TMEM254: variants seen among roughly 807,000 people sequenced by gnomAD.
The protein encoded by TMEM254 is transmembrane protein 254.
In TMEM254, 16 loss-of-function variants were observed where a neutral mutation model predicts 13.9. That is an observed-to-expected ratio of 1.15 (90% confidence interval 0.78 to 1.75). The LOEUF (loss-of-function observed/expected upper bound fraction) is 1.75, where lower values mean the gene tolerates loss of function less well. Ranked by LOEUF, TMEM254 falls within the 40% of genes most tolerant of loss-of-function variation. The probability of loss-of-function intolerance (pLI) is 0.00; values close to 1 mark genes in which losing one functional copy is unlikely to be tolerated. For synonymous variants in TMEM254, 61 were observed against 56.4 expected (o/e 1.08, Z -0.36); for missense variants, 155 against 149.0 (o/e 1.04, Z -0.21).
intron 3 of TMEM254, among the ~76,000 whole-genome samples, chr10:80,084,641 G>A (rs1018270523): frequency 2.6e-5 from 4 of 152,080 alleles, no homozygotes; most frequent in African/African-American, 9.7e-5. Flanking sequence ...TGACTTGTGG[G>A]AAATGCCACA....
At chr10:80,081,080 A>G (rs1051935951) in intron 1 of TMEM254, among the ~76,000 whole-genome samples, 1 of 120,082 alleles carries the variant, frequency 8.3e-6, no homozygotes, top group African/African-American at 3.3e-5. Context: ...ACTCCATCTA[A>G]AATAAATAAA....
chr10:80,082,472 C>G (rs1390686735), intron 3 of TMEM254, among the ~76,000 whole-genome samples: 1 of 152,044 alleles, frequency 6.6e-6, no homozygotes. Flanking sequence ...TTCTGGGTAG[C>G]CCCAACTAGA....
chr10:80,087,133 A>G (rs904985661), intron 3 of TMEM254, among the ~76,000 whole-genome samples: 2 of 152,136 alleles, frequency 1.3e-5, no homozygotes, highest in Non-Finnish European at 2.9e-5. Flanking sequence ...CTATACATAT[A>G]AACTTACCCA....
rs1377944917 is a variant in TMEM254, at chr10:80,089,961, C to T, written c.252-836C>T. ...CAGAGCTTGCAGTGAGTCAAGATCG[C>T]GCCACTGCACTCCAGCCTGGGTGAC... is the stretch of plus-strand genomic sequence containing the variant. On this transcript the variant is annotated intron_variant, in intron 3 of 3. Transcript: ENST00000372281. Among the ~76,000 whole-genome samples, 5 of 148,460 alleles carry T rather than the reference C, an allele frequency of 3.4e-5. No homozygotes were observed. The East Asian group carries it at 6.0e-4, about 18-fold the overall frequency.
At position 80,091,151 on chromosome 10, in the gene TMEM254, T is replaced by G. The variant is rs1292762873; in HGVS notation, c.*234T>G. On this transcript the variant is annotated 3_prime_UTR_variant, in exon 4 of 4. Coordinates refer to ENST00000372281, the MANE Select transcript of TMEM254 (RefSeq NM_025125.4). ...GAGAAAGATTTTAGCTTTTCAATCC[T>G]ATTTGGCAGAGGACTTCAGCTACCT... The G allele has an allele frequency of 2.4e-6, 1 of 419,694 alleles. No individual in the cohort carries two copies. The highest frequency in any genetic ancestry group is 4.1e-5 in the Admixed American group (1 of 24,178). 26.0% of individuals were successfully genotyped at this position (419,694 alleles called of 1,614,324 possible). A position where few individuals can be genotyped will look rare whatever the true frequency, so the allele number is the denominator to read the frequency against.
At chr10:80,078,951 C>T in intron 1 of TMEM254, 165 bp downstream of exon 1, 1 of 1,531,010 alleles carries the variant, frequency 6.5e-7, no homozygotes, top group Non-Finnish European at 8.8e-7. Context: ...GCAATGAGAG[C>T]AAGCATACTG....
rs926312030 is a variant in TMEM254, at chr10:80,088,050, A to AT, written c.252-2738dup. On this transcript the variant is annotated intron_variant, in intron 3 of 3. Coordinates refer to ENST00000372281, the MANE Select transcript of TMEM254 (RefSeq NM_025125.4). ...TAAGTTTTCAGTCTACTTAGATCTTATTTTTTTTTAAGATCTTTACCTTTT... is the reference window on the plus strand; with the variant it reads ...TAAGTTTTCAGTCTACTTAGATCTTATTTTTTTTTTAAGATCTTTACCTTTT... Among the ~76,000 whole-genome samples the AT allele has an allele frequency of 1.4e-4, 21 of 151,220 alleles. 1 individual carries two copies. The highest frequency in any genetic ancestry group is 1.2e-4 in the African/African-American group (5 of 41,206).
intron 1 of TMEM254, 37 bp downstream of exon 1, chr10:80,078,823 C>G (rs375260687): frequency 1.2e-5 from 19 of 1,564,822 alleles, no homozygotes; most frequent in Middle Eastern, 1.7e-4. Context: ...GTCTGACGAA[C>G]GAGCGAGCGC....
At chr10:80,082,592 T>G (rs932444786) in intron 3 of TMEM254, among the ~76,000 whole-genome samples, 4 of 152,084 alleles carry the variant, frequency 2.6e-5, no homozygotes, top group Admixed American at 6.6e-5. Flanking sequence ...CCTGAGGAGC[T>G]TTTTCAAAAT....
intron 1 of TMEM254, chr10:80,079,461 A>T: frequency 9.5e-7 from 1 of 1,050,386 alleles, no homozygotes; most frequent in Non-Finnish European, 1.2e-6. Context: ...TAGGCCTGCC[A>T]AGTCAGAATA....
intron 2 of TMEM254, 43 bp from the exon 3 acceptor site, chr10:80,082,095 CAGCAGAT>C (rs1844065023): frequency 3.1e-6 from 5 of 1,603,090 alleles, no homozygotes; most frequent in Non-Finnish European, 3.4e-6. Flanking sequence ...TAGATTTCAT[CAGCAGAT>C]AACTATCACC....
At chr10:80,083,699 C>T (rs1037081721) in intron 3 of TMEM254, among the ~76,000 whole-genome samples, 2 of 152,294 alleles carry the variant, frequency 1.3e-5, no homozygotes, top group Admixed American at 1.3e-4. Context: ...TTGCACTTCA[C>T]CTTCTCCTCT....
At chr10:80,090,297 C>A in intron 3 of TMEM254, 1 of 698,776 alleles carries the variant, frequency 1.4e-6, no homozygotes, top group South Asian at 1.5e-5. Flanking sequence ...TGCCAGGCTC[C>A]TTCCTGAGCA....
intron 3 of TMEM254, among the ~76,000 whole-genome samples, chr10:80,082,938 CTA>C (rs1002623121): frequency 6.6e-6 from 1 of 151,990 alleles, no homozygotes; most frequent in African/African-American, 2.4e-5. Flanking sequence ...ACTATCACCT[CTA>C]TTATTTTTCT....
At chr10:80,082,604 C>T (rs561227630) in intron 3 of TMEM254, among the ~76,000 whole-genome samples, 9 of 152,278 alleles carry the variant, frequency 5.9e-5, no homozygotes, top group Non-Finnish European at 1.2e-4. Context: ...TTTCAAAATA[C>T]ACACGTCTGG....
chr10:80,090,959 A>C lies in TMEM254; in HGVS notation c.*42A>C, dbSNP rs1397370005. ...GCTCTACACTTTTACATTCATCCTC[A>C]CCCTTTTTTTTGTGGGGTAGAGGAG... On this transcript the variant is annotated 3_prime_UTR_variant, in exon 4 of 4. Transcript: ENST00000372281. 5.0e-6 allele frequency: 8 copies of C among 1,602,678 alleles called. No individual in the cohort carries two copies. The African/African-American group carries it at 6.8e-5, about 14-fold the overall frequency.
intron 1 of TMEM254, chr10:80,079,235 C>T: frequency 8.0e-6 from 10 of 1,257,120 alleles, no homozygotes; most frequent in East Asian, 5.8e-5. Flanking sequence ...CCGCCGGGCC[C>T]TCGTAGGGCG....
intron 3 of TMEM254, among the ~76,000 whole-genome samples, chr10:80,089,316 C>T (rs1844462769): frequency 6.6e-6 from 1 of 151,916 alleles, no homozygotes; most frequent in Non-Finnish European, 1.5e-5. Context: ...TTGTAGATCT[C>T]CTGTGTCAAA....
chr10:80,090,552 T>C (rs1844531994), intron 3 of TMEM254: 5 of 674,700 alleles, frequency 7.4e-6, no homozygotes, highest in African/African-American at 1.8e-5. Context: ...CTTATAATAC[T>C]GTGCCCTAGA....
Sources: allele counts gnomAD v4.1 joint callset (sites outside exome capture counted in the v4.1 genomes callset), GRCh38; gene constraint gnomAD v4.1.1; transcripts MANE v1.5; gene names NCBI Gene and HGNC (gene_info 2026-07-23, HGNC 2026-07-21).